SPTB: variants seen among roughly 807,000 people sequenced by gnomAD.
The protein encoded by SPTB is spectrin beta chain, erythrocytic.
Under a neutral mutation model 256.2 loss-of-function variants are expected in SPTB, and 45 were observed. That is an observed-to-expected ratio of 0.18 (90% CI 0.14 to 0.23). The LOEUF is 0.23. SPTB is among the 10% of genes least tolerant of loss of function. SPTB has a pLI of 1.00. For missense variants in SPTB, 2,715 were observed against 3,040.4 expected (o/e 0.89, Z 2.52); for synonymous variants, 1,231 against 1,243.1 (o/e 0.99, Z 0.21).
chr14:64,835,657 T>C (rs1364205821), intron 1 of SPTB, among the ~76,000 whole-genome samples: 3 of 152,300 alleles, frequency 2.0e-5, no homozygotes, highest in Admixed American at 2.0e-4. Context: ...AGCCACTAGT[T>C]ACCAGCTCCT....
At position 64,759,740 on chromosome 14, in the gene SPTB, A is replaced by G. The variant is rs2082066370; in HGVS notation, c.6346-5947T>C. ...TGCTGGAGTCCTCAGGTCATCAGGA[A>G]GATGCAGATTCCACCTGTACCACTG... On this transcript the variant is annotated intron_variant, in intron 32 of 35. Transcript: ENST00000644917. The surrounding 1 kb of genome is among the most constrained non-coding windows in gnomAD (Gnocchi z 4.8). 6.6e-6 allele frequency among the ~76,000 whole-genome samples: 1 copy of G among 152,262 alleles called. No homozygotes were observed. Among genetic ancestry groups the G allele is most frequent in the Non-Finnish European group, 1.5e-5 (1 of 68,046 alleles).
chr14:64,757,723 A>T (rs2082035610), intron 32 of SPTB, among the ~76,000 whole-genome samples: 1 of 151,974 alleles, frequency 6.6e-6, no homozygotes, highest in African/African-American at 2.4e-5. Context: ...GGCTTTGGGG[A>T]CAATCCTTTC....
At chr14:64,837,010 C>T (rs1415080744) in intron 1 of SPTB, among the ~76,000 whole-genome samples, 6 of 152,210 alleles carry the variant, frequency 3.9e-5, no homozygotes, top group Admixed American at 3.9e-4. Flanking sequence ...GCAAGAAAGG[C>T]AACTGTCTAT....
intron 20 of SPTB, 91 bp downstream of exon 20, chr14:64,782,199 C>A: frequency 6.3e-7 from 1 of 1,584,512 alleles, no homozygotes; most frequent in East Asian, 2.2e-5. Flanking sequence ...TCACATGTAC[C>A]CCCAAACCTA....
intron 29 of SPTB, 26 bp from the exon 30 acceptor site, chr14:64,767,885 C>T: frequency 4.3e-6 from 7 of 1,611,986 alleles, no homozygotes; most frequent in Non-Finnish European, 5.9e-6. Context: ...GGACACAGAC[C>T]CCCCACAAGG....
At chr14:64,836,028 A>G (rs1327174265) in intron 1 of SPTB, among the ~76,000 whole-genome samples, 1 of 152,200 alleles carries the variant, frequency 6.6e-6, no homozygotes, top group East Asian at 1.9e-4. Flanking sequence ...CTTTCTGCAC[A>G]CACAGCTTGG....
intron 1 of SPTB, among the ~76,000 whole-genome samples, chr14:64,864,826 G>T (rs1882066087): frequency 6.6e-6 from 1 of 152,172 alleles, no homozygotes; most frequent in Admixed American, 6.5e-5. Flanking sequence ...TATAGAAGAT[G>T]AAGAAGGAGA....
intron 1 of SPTB, among the ~76,000 whole-genome samples, chr14:64,838,871 C>T (rs989130587): frequency 1.3e-5 from 2 of 152,028 alleles, no homozygotes; most frequent in Non-Finnish European, 2.9e-5. Context: ...TGGTGACTCA[C>T]ATCTGTAATC....
At chr14:64,867,134 A>T (rs1882231939) in intron 1 of SPTB, among the ~76,000 whole-genome samples, 1 of 152,214 alleles carries the variant, frequency 6.6e-6, no homozygotes, top group South Asian at 2.1e-4. Flanking sequence ...TAGAGGTGGA[A>T]GACAGCCTCC....
rs947328756 is a variant in SPTB at position 64,759,687 on chromosome 14, C to T, written c.6346-5894G>A. On this transcript the variant is annotated intron_variant, in intron 32 of 35. Coordinates refer to ENST00000644917, the MANE Select transcript of SPTB (RefSeq NM_001355436.2). This position sits in a 1 kb window ranked among gnomAD's most constrained non-coding sequence, Gnocchi z 4.8. ...GAGGAGCTGATCTGAGGTTCCCTTC[C>T]ACCTTTGTGCTGTAAGGCAGGGGCT... Among the ~76,000 whole-genome samples, 4 of 152,210 alleles carry T rather than the reference C, an allele frequency of 2.6e-5. No homozygotes were observed. The highest frequency in any genetic ancestry group is 2.6e-4 in the Admixed American group (4 of 15,288).
At chr14:64,835,394 C>T (rs118028978) in intron 1 of SPTB, among the ~76,000 whole-genome samples, 9,977 of 152,242 alleles carry the variant, frequency 0.066, 429 homozygotes, top group Non-Finnish European at 0.1. Context: ...TACAGGCACT[C>T]GCCACCTTGT....
intron 14 of SPTB, 93 bp from the exon 15 acceptor site, chr14:64,791,949 T>G (rs2139588332): frequency 6.7e-4 from 1,015 of 1,508,056 alleles, no homozygotes; most frequent in Non-Finnish European, 8.5e-4. Flanking sequence ...CATGTAGCTC[T>G]TGCTTTCTCC....
intron 32 of SPTB, chr14:64,755,707 T>C (rs1241724533): frequency 2.0e-5 from 3 of 152,032 alleles, no homozygotes; most frequent in Non-Finnish European, 4.4e-5. Flanking sequence ...ACATTCACCC[T>C]AGATATGAGC....
chr14:64,868,278 T>G (rs1257601942), intron 1 of SPTB, among the ~76,000 whole-genome samples: 3 of 151,866 alleles, frequency 2.0e-5, no homozygotes, highest in African/African-American at 7.3e-5. Context: ...TTTGAAAATT[T>G]TAGAGGAAAA....
rs2082525956 is a variant in SPTB, at chr14:64,784,381, T to C, written c.3868A>G (p.Ile1290Val). 2 of 1,614,208 alleles carry C rather than the reference T, an allele frequency of 1.2e-6. No individual in the cohort carries two copies. The highest frequency in any genetic ancestry group is 1.7e-6 in the Non-Finnish European group (2 of 1,180,034). ...TGAGATGTCAGCAGCTTGTCGTTGA[T>C]CCAGAGAGTGAGCTGTGTGCATAAA... Reference protein sequence around the residue: ...LQNCQELTLWINDKLLTSQDV... With the variant: ...LQNCQELTLWVNDKLLTSQDV... The change falls in exon 19 of 36, where the codon ATC (isoleucine) becomes GTC (valine). Residue 1290 changes from isoleucine (I) to valine (V), a missense_variant. Ile to Val is a conservative substitution (Grantham distance 29). Coordinates refer to ENST00000644917, the MANE Select transcript of SPTB (RefSeq NM_001355436.2).
intron 10 of SPTB, among the ~76,000 whole-genome samples, chr14:64,797,084 A>T (rs2082784594): frequency 6.6e-6 from 1 of 152,188 alleles, no homozygotes; most frequent in South Asian, 2.1e-4. Context: ...GAAATGTCAT[A>T]GGCATTTCCC....
At chr14:64,782,134 G>T (rs909070880) in intron 20 of SPTB, among the ~76,000 whole-genome samples, 156 bp downstream of exon 20, 1 of 152,178 alleles carries the variant, frequency 6.6e-6, no homozygotes, top group African/African-American at 2.4e-5. Flanking sequence ...CCTGGGTGAT[G>T]TAATAATATG....
chr14:64,773,120 A>G (rs934951144), intron 25 of SPTB, 100 bp downstream of exon 25: 23 of 1,553,738 alleles, frequency 1.5e-5, no homozygotes, highest in Non-Finnish European at 1.6e-5. Context: ...CACACTGGGG[A>G]GGTTACGTCC....
chr14:64,869,998 A>C (rs1882435024), intron 1 of SPTB, among the ~76,000 whole-genome samples: 1 of 151,976 alleles, frequency 6.6e-6, no homozygotes, highest in African/African-American at 2.4e-5. Context: ...CTAGGTGCAG[A>C]GGTTTTGTTT....
Sources: allele counts gnomAD v4.1 joint callset (sites outside exome capture counted in the v4.1 genomes callset), GRCh38; gene constraint gnomAD v4.1.1; non-coding constraint Gnocchi (gnomAD v3.1); transcripts MANE v1.5; gene names NCBI Gene and HGNC (gene_info 2026-07-23, HGNC 2026-07-21).